The following SLCO1B1 variants were observed in gnomAD, a reference collection of about 807,000 sequenced individuals.
SLCO1B1 encodes the protein OATP-2.
In SLCO1B1, 81 loss-of-function variants were observed where a neutral mutation model predicts 70.1. The observed-to-expected ratio is 1.16, with a 90% CI of 0.97 to 1.39. The LOEUF (loss-of-function observed/expected upper bound fraction) is 1.39, where lower values mean the gene tolerates loss of function less well. Among genes scored for constraint, SLCO1B1 ranks in the 40% most tolerant of loss-of-function variants. The pLI, the probability that SLCO1B1 is intolerant of heterozygous loss-of-function variation, is 0.00. For missense variants in SLCO1B1, 895 were observed against 799.6 expected (o/e 1.12, Z -1.44); for synonymous variants, 283 against 271.5 (o/e 1.04, Z -0.42).
chr12:21,222,218 A>G, intron 12 of SLCO1B1, 82 bp from the exon 13 acceptor site: 1 of 593,810 alleles, frequency 1.7e-6, no homozygotes, highest in Non-Finnish European at 2.9e-6. Flanking sequence ...ATGGAGAAAA[A>G]CAACACAGGA....
At chr12:21,214,864 G>C (rs1286297215) in intron 11 of SLCO1B1, among the ~76,000 whole-genome samples, 2 of 151,990 alleles carry the variant, frequency 1.3e-5, no homozygotes, top group African/African-American at 2.4e-5. Flanking sequence ...GACTGGGAAA[G>C]GGAACTCCCT....
chr12:21,232,813 C>T (rs1941555163), intron 14 of SLCO1B1, among the ~76,000 whole-genome samples: 1 of 152,104 alleles, frequency 6.6e-6, no homozygotes, highest in African/African-American at 2.4e-5. Context: ...CTTTTGCCAG[C>T]ATACCACGTT....
At chr12:21,192,780 T>G (rs1941045738) in intron 7 of SLCO1B1, among the ~76,000 whole-genome samples, 1 of 152,022 alleles carries the variant, frequency 6.6e-6, no homozygotes, top group Non-Finnish European at 1.5e-5. Context: ...TGACCATAAA[T>G]TAGAGAAATA....
intron 7 of SLCO1B1, among the ~76,000 whole-genome samples, chr12:21,196,165 C>T (rs772590688): frequency 1.3e-5 from 2 of 152,072 alleles, no homozygotes; most frequent in East Asian, 1.9e-4. Flanking sequence ...TGGAATTGAT[C>T]GCTGTATAAT....
rs534420445 is a variant in SLCO1B1 at position 21,191,128 on chromosome 12, T to G, written c.728-5818T>G. Among the ~76,000 whole-genome samples the G allele has an allele frequency of 1.5e-4, 23 of 152,206 alleles. 1 individual carries two copies. In the East Asian group the frequency reaches 4.4e-3, roughly 29 times the overall value. On this transcript the variant is annotated intron_variant, in intron 7 of 14. Transcript: ENST00000256958. The stretch of plus-strand genomic sequence containing the variant: ...CTTTTTTGGCTATTTGATGTCCTTC[T>G]TGGTTCCATATGTATTTTAGAATTG...
intron 11 of SLCO1B1, among the ~76,000 whole-genome samples, chr12:21,215,934 G>A (rs558635460): frequency 5.9e-5 from 9 of 152,028 alleles, no homozygotes; most frequent in Non-Finnish European, 1.2e-4. Context: ...GTTCGTCTTG[G>A]ATGGTTGTTG....
At position 21,202,760 on chromosome 12, in the gene SLCO1B1, A is replaced by G. The variant is rs542966371; in HGVS notation, c.1331+74A>G. ...TAAGAGTCTCTGTATAAGTAATATAAGGCAGAAAACAATTTTAACTAAACT... is the reference window on the plus strand; with the variant it reads ...TAAGAGTCTCTGTATAAGTAATATAGGGCAGAAAACAATTTTAACTAAACT... On this transcript the variant is annotated intron_variant, in intron 10 of 14. Transcript: ENST00000256958. 17 of 1,203,682 alleles carry G rather than the reference A, an allele frequency of 1.4e-5. No individual in the cohort carries two copies. The East Asian group carries it at 3.3e-4, about 24-fold the overall frequency. The allele number at this position is 1,203,682 out of a possible 1,614,324, so 74.6% of individuals were successfully genotyped here. A position where few individuals can be genotyped will look rare whatever the true frequency, so the allele number is the denominator to read the frequency against.
intron 11 of SLCO1B1, among the ~76,000 whole-genome samples, chr12:21,209,237 T>C (rs1262427974): frequency 6.8e-6 from 1 of 146,422 alleles, no homozygotes; most frequent in African/African-American, 2.6e-5. Context: ...GTCCCCAGAG[T>C]GTGATATTCC....
At chr12:21,167,839 T>C (rs569977980) in intron 2 of SLCO1B1, among the ~76,000 whole-genome samples, 27 of 150,250 alleles carry the variant, frequency 1.8e-4, no homozygotes, top group Admixed American at 1.5e-3. Flanking sequence ...TTTTTTAAGA[T>C]GGAGTCTCGC....
intron 2 of SLCO1B1, among the ~76,000 whole-genome samples, chr12:21,168,796 A>G (rs1940723530): frequency 6.6e-6 from 1 of 152,060 alleles, no homozygotes. Flanking sequence ...CTCATCACTT[A>G]TATTATTTGC....
At chr12:21,216,548 C>G (rs1414359780) in intron 11 of SLCO1B1, among the ~76,000 whole-genome samples, 1 of 152,126 alleles carries the variant, frequency 6.6e-6, no homozygotes, top group Admixed American at 6.5e-5. Context: ...TGTTTAACCT[C>G]TCTGGTAATA....
At chr12:21,171,007 G>T (rs1409091659) in intron 2 of SLCO1B1, among the ~76,000 whole-genome samples, 1 of 152,118 alleles carries the variant, frequency 6.6e-6, no homozygotes, top group Non-Finnish European at 1.5e-5. Context: ...ACGGAGCAAT[G>T]AACAAAACAG....
chr12:21,140,091 A>G (rs1190388661), intron 1 of SLCO1B1, among the ~76,000 whole-genome samples: 3 of 152,136 alleles, frequency 2.0e-5, no homozygotes, highest in African/African-American at 2.4e-5. Flanking sequence ...ACAATTTACC[A>G]AAATATTGTG....
chr12:21,168,220 A>G (rs2121090655), intron 2 of SLCO1B1, among the ~76,000 whole-genome samples: 1 of 152,250 alleles, frequency 6.6e-6, no homozygotes. Flanking sequence ...TCCATATTGT[A>G]GCACATGATG....
intron 2 of SLCO1B1, among the ~76,000 whole-genome samples, chr12:21,155,447 AT>A (rs1940530516): frequency 1.3e-5 from 2 of 151,580 alleles, no homozygotes; most frequent in Non-Finnish European, 2.9e-5. Context: ...TATTTTGTGT[AT>A]TTGTAATGCT....
At chr12:21,131,525 C>G (rs966115666) in intron 1 of SLCO1B1, among the ~76,000 whole-genome samples, 1 of 151,916 alleles carries the variant, frequency 6.6e-6, no homozygotes, top group African/African-American at 2.4e-5. Context: ...AATCAAGTCT[C>G]AAAAATGAAG....
intron 10 of SLCO1B1, among the ~76,000 whole-genome samples, chr12:21,204,648 C>T (rs1378599640): frequency 6.6e-6 from 1 of 151,874 alleles, no homozygotes; most frequent in Non-Finnish European, 1.5e-5. Context: ...TGGACTGGGT[C>T]ATTGTCTTAG....
At chr12:21,193,309 T>C (rs1449982101) in intron 7 of SLCO1B1, among the ~76,000 whole-genome samples, 1 of 152,186 alleles carries the variant, frequency 6.6e-6, no homozygotes, top group Admixed American at 6.5e-5. Flanking sequence ...GAAGTCAGCC[T>C]ACTATGGAGG....
intron 2 of SLCO1B1, among the ~76,000 whole-genome samples, chr12:21,157,692 C>T (rs942636896): frequency 2.6e-5 from 4 of 151,106 alleles, no homozygotes; most frequent in African/African-American, 9.8e-5. Flanking sequence ...AGCTCTGCCT[C>T]CCAGGTTCAC....
Sources: allele counts gnomAD v4.1 joint callset (sites outside exome capture counted in the v4.1 genomes callset), GRCh38; gene constraint gnomAD v4.1.1; transcripts MANE v1.5; gene names NCBI Gene and HGNC (gene_info 2026-07-23, HGNC 2026-07-21).